Variants in FHOD3 observed in about 807,000 individuals in gnomAD.
FHOD3 encodes the protein formin homology 2 domain containing 3.
In FHOD3, 90 loss-of-function variants were observed where a neutral mutation model predicts 173.0. The ratio of observed to expected loss-of-function variants is 0.52; its 90% confidence interval spans 0.44 to 0.62. The LOEUF is 0.62. Ranked by LOEUF, FHOD3 falls within the 20% of genes least tolerant of loss-of-function variation. FHOD3 has a pLI of 0.00. For missense variants in FHOD3, 1,945 were observed against 2,034.7 expected (o/e 0.96, Z 0.85); for synonymous variants, 828 against 823.0 (o/e 1.01, Z -0.10).
At chr18:36,350,457 G>A (rs1037348106) in intron 1 of FHOD3, among the ~76,000 whole-genome samples, 2 of 152,138 alleles carry the variant, frequency 1.3e-5, no homozygotes, top group African/African-American at 2.4e-5. Context: ...TTCCCCCATG[G>A]CTCCTGGCTT....
chr18:36,665,649 G>A (rs1600153870), intron 14 of FHOD3, among the ~76,000 whole-genome samples: 1 of 152,208 alleles, frequency 6.6e-6, no homozygotes, highest in African/African-American at 2.4e-5. Flanking sequence ...TCAAAACAGG[G>A]TTTTGCAAAT....
chr18:36,540,112 C>G (rs2057148827), intron 5 of FHOD3, among the ~76,000 whole-genome samples: 2 of 152,150 alleles, frequency 1.3e-5, no homozygotes, highest in Admixed American at 1.3e-4. Flanking sequence ...GTGGAGGTGA[C>G]ATGAGATATT....
At chr18:36,525,766 C>T (rs1237474144) in intron 5 of FHOD3, among the ~76,000 whole-genome samples, 2 of 152,234 alleles carry the variant, frequency 1.3e-5, no homozygotes, top group African/African-American at 2.4e-5. Context: ...CCTCTTCTTG[C>T]ATGATCTTCT....
At chr18:36,612,919 G>A (rs2032837415) in intron 9 of FHOD3, among the ~76,000 whole-genome samples, 1 of 152,204 alleles carries the variant, frequency 6.6e-6, no homozygotes, top group Non-Finnish European at 1.5e-5. Context: ...ACTTACTAAA[G>A]AGTAAGAAAG....
intron 27 of FHOD3, 55 bp from the exon 28 acceptor site, chr18:36,769,210 A>G (rs2043268008): frequency 1.3e-6 from 2 of 1,584,852 alleles, no homozygotes; most frequent in Non-Finnish European, 1.7e-6. Context: ...TGCTGCATAT[A>G]TCTTTTGTGT....
chr18:36,420,544 T>G (rs2049933722), intron 3 of FHOD3, among the ~76,000 whole-genome samples: 1 of 152,212 alleles, frequency 6.6e-6, no homozygotes, highest in South Asian at 2.1e-4. Context: ...GCTAGTAGTT[T>G]TGCATATGGC....
chr18:36,452,652 G>A (rs1184294990), intron 3 of FHOD3, among the ~76,000 whole-genome samples: 1 of 152,074 alleles, frequency 6.6e-6, no homozygotes, highest in Non-Finnish European at 1.5e-5. Context: ...GCTTCTCGGA[G>A]TCTGGCTACT....
Position 36,642,894 on chromosome 18 carries a change from A to AT in FHOD3, c.1197-6412dup, listed in dbSNP as rs147521132. ...TTTTATTGTGGGGGTTTTTTTCAGT[A>AT]TTTTTTTTTTACTTTTTTTTCTGTA... is the stretch of plus-strand genomic sequence containing the variant. On this transcript the variant is annotated intron_variant, in intron 10 of 28. Coordinates refer to ENST00000590592, the MANE Select transcript of FHOD3 (RefSeq NM_001281740.3). 3.3e-4 allele frequency among the ~76,000 whole-genome samples: 49 copies of AT among 147,298 alleles called. 1 individual carries two copies. The highest frequency in any genetic ancestry group is 1.5e-3 in the South Asian group (7 of 4,620).
chr18:36,652,835 G>A lies in FHOD3; in HGVS notation c.1552G>A (p.Val518Met), dbSNP rs1372200086. 15 of 1,535,784 alleles carry A rather than the reference G, an allele frequency of 9.8e-6. No individual in the cohort carries two copies. Among genetic ancestry groups the A allele is most frequent in the Admixed American group, 3.9e-5 (2 of 50,954 alleles). ...ACCGACCATAGACAAGCTGCCCTAC[G>A]TGCCCCACAGCCCCTTCCACCTCTT... Reference protein sequence around the residue: ...VSPTIDKLPYVPHSPFHLFSY... With the variant: ...VSPTIDKLPYMPHSPFHLFSY... The change falls in exon 12 of 29, where the codon GTG becomes ATG. Residue 518 changes from valine (V) to methionine (M), a missense_variant. Around this residue, in one of 5 missense-constraint regions of FHOD3, gnomAD observed 1,099 missense variants for 1,051.2 expected, o/e 1.05. Coordinates refer to ENST00000590592, the MANE Select transcript of FHOD3 (RefSeq NM_001281740.3).
In FHOD3 at chr18:36,309,272, G is replaced by A. The variant is rs921346619; in HGVS notation, c.165+11272G>A. On this transcript the variant is annotated intron_variant, in intron 1 of 28. Transcript: ENST00000590592. ...TGCCCATGCTGAGCCGAGGGGAAGA[G>A]CGTTGTGAGCTTGTGTGAGGGGGAG... is the stretch of plus-strand genomic sequence containing the variant. Among the ~76,000 whole-genome samples the A allele has an allele frequency of 2.0e-5, 3 of 152,152 alleles. No homozygotes were observed. In the East Asian group the frequency reaches 5.8e-4, roughly 29 times the overall value.
At chr18:36,555,363 T>G (rs1195688424) in intron 5 of FHOD3, among the ~76,000 whole-genome samples, 1 of 151,950 alleles carries the variant, frequency 6.6e-6, no homozygotes, top group Non-Finnish European at 1.5e-5. Flanking sequence ...TGTTTATAAC[T>G]TGATTCCTTA....
chr18:36,301,004 A>T (rs557060613), intron 1 of FHOD3, among the ~76,000 whole-genome samples: 1 of 152,260 alleles, frequency 6.6e-6, no homozygotes, highest in South Asian at 2.1e-4. Context: ...GGCCTCCCAA[A>T]GTTCTGGGAT....
At chr18:36,539,437 G>A (rs1195942154) in intron 5 of FHOD3, among the ~76,000 whole-genome samples, 1 of 152,246 alleles carries the variant, frequency 6.6e-6, no homozygotes, top group Non-Finnish European at 1.5e-5. Flanking sequence ...CGTAGAAAGT[G>A]TCTAGAGTGA....
intron 3 of FHOD3, among the ~76,000 whole-genome samples, chr18:36,417,357 A>G (rs2049715745): frequency 6.6e-6 from 1 of 152,160 alleles, no homozygotes; most frequent in Non-Finnish European, 1.5e-5. Context: ...GCTGAGGATA[A>G]TGACTTCCAG....
intron 3 of FHOD3, among the ~76,000 whole-genome samples, chr18:36,382,413 C>T (rs143605486): frequency 5.3e-5 from 8 of 152,234 alleles, no homozygotes; most frequent in African/African-American, 1.4e-4. Flanking sequence ...TTGCTGTAAC[C>T]GGATACAGGG....
At chr18:36,488,526 G>A (rs577442545) in intron 3 of FHOD3, among the ~76,000 whole-genome samples, 1 of 152,242 alleles carries the variant, frequency 6.6e-6, no homozygotes, top group East Asian at 1.9e-4. Flanking sequence ...GCAGTGCCCA[G>A]GAAAGGACTG....
chr18:36,474,394 TC>T (rs1806227234), intron 3 of FHOD3, among the ~76,000 whole-genome samples: 1 of 152,204 alleles, frequency 6.6e-6, no homozygotes, highest in Non-Finnish European at 1.5e-5. Context: ...CAATGCTACA[TC>T]TATAGATTTT....
chr18:36,352,963 A>T (rs1044702132), intron 1 of FHOD3, among the ~76,000 whole-genome samples: 1 of 152,198 alleles, frequency 6.6e-6, no homozygotes, highest in African/African-American at 2.4e-5. Context: ...ACCTGGAAAG[A>T]TAAAGTCTGA....
chr18:36,398,891 G>A (rs563298657), intron 3 of FHOD3, among the ~76,000 whole-genome samples: 2 of 152,258 alleles, frequency 1.3e-5, no homozygotes, highest in African/African-American at 4.8e-5. Context: ...GGATGGGGGG[G>A]ATCTGAGGAG....
Sources: gnomAD v4.1 joint callset for allele counts (sites outside exome capture counted in the v4.1 genomes callset) on GRCh38, gnomAD v4.1.1 for gene constraint, gnomAD v4.1.1 regional missense constraint, MANE v1.5 for transcripts, NCBI Gene and HGNC (gene_info 2026-07-23, HGNC 2026-07-21) for gene names.